The following SUMF1 variants were observed in gnomAD, a reference collection of about 807,000 sequenced individuals.
The protein encoded by SUMF1 is formylglycine-generating enzyme.
A neutral mutation model predicts 47.6 loss-of-function variants in SUMF1; 48 were observed. The ratio of observed to expected loss-of-function variants is 1.01; its 90% CI spans 0.80 to 1.28. SUMF1 has a LOEUF of 1.28. Ranked by LOEUF, SUMF1 falls within the 50% of genes most tolerant of loss-of-function variation. The probability of loss-of-function intolerance (pLI) is 0.00; values close to 1 mark genes in which losing one functional copy is unlikely to be tolerated. For synonymous variants in SUMF1, 230 were observed against 192.1 expected, an observed-to-expected ratio of 1.20 and a Z score of -1.63; for missense variants, 571 against 485.4, an observed-to-expected ratio of 1.18 and a Z score of -1.66.
chr3:4,066,997 C>G (rs763628908), intron 9 of SUMF1, among the ~76,000 whole-genome samples: 1 of 152,126 alleles, frequency 6.6e-6, no homozygotes, highest in Admixed American at 6.6e-5. Context: ...TATGAAGGGC[C>G]TGAATTCGTT....
intron 8 of SUMF1, among the ~76,000 whole-genome samples, chr3:4,273,754 T>TACGGGAGGGAGGAG (rs1697353448): frequency 2.5e-5 from 1 of 39,380 alleles, no homozygotes; most frequent in Non-Finnish European, 4.3e-5. Context: ...GGAGGGAGGA[T>TACGGGAGGGAGGAG]ACGGGAGGGG....
chr3:4,171,045 G>A (rs1252543574), intron 8 of SUMF1, among the ~76,000 whole-genome samples: 1 of 152,142 alleles, frequency 6.6e-6, no homozygotes, highest in Non-Finnish European at 1.5e-5. Context: ...ACTCTAACAC[G>A]AAGACTTCAA....
At chr3:4,198,577 C>T (rs1216013444) in intron 8 of SUMF1, among the ~76,000 whole-genome samples, 3 of 152,146 alleles carry the variant, frequency 2.0e-5, no homozygotes, top group Non-Finnish European at 4.4e-5. Context: ...AAACCCACAA[C>T]TGTAGCCTTC....
intron 1 of SUMF1, among the ~76,000 whole-genome samples, chr3:4,454,279 A>G (rs971787488): frequency 3.9e-5 from 6 of 152,210 alleles, no homozygotes; most frequent in Non-Finnish European, 7.3e-5. Context: ...CCCAACACTG[A>G]GCACAGGATC....
intron 8 of SUMF1, among the ~76,000 whole-genome samples, chr3:4,103,638 A>G (rs2125063649): frequency 6.6e-6 from 1 of 152,236 alleles, no homozygotes; most frequent in Admixed American, 6.5e-5. Context: ...CATGGAGAAT[A>G]ATTTTCACCC....
At chr3:4,091,283 T>C (rs957679565) in intron 8 of SUMF1, among the ~76,000 whole-genome samples, 1 of 152,112 alleles carries the variant, frequency 6.6e-6, no homozygotes, top group African/African-American at 2.4e-5. Context: ...CTGTGGTATC[T>C]TCCCAAAAGA....
At chr3:4,264,048 C>A (rs559054384) in intron 8 of SUMF1, among the ~76,000 whole-genome samples, 2 of 152,066 alleles carry the variant, frequency 1.3e-5, no homozygotes, top group Non-Finnish European at 2.9e-5. Flanking sequence ...TTTCCTTCTC[C>A]TAGTGACAAA....
At chr3:4,182,706 G>A (rs1010024854) in intron 8 of SUMF1, among the ~76,000 whole-genome samples, 6 of 152,090 alleles carry the variant, frequency 3.9e-5, no homozygotes, top group Non-Finnish European at 7.4e-5. Flanking sequence ...AGGACAATGG[G>A]AAGATCTTAT....
At chr3:4,218,163 C>T (rs1322801420) in intron 8 of SUMF1, among the ~76,000 whole-genome samples, 1 of 151,794 alleles carries the variant, frequency 6.6e-6, no homozygotes, top group Non-Finnish European at 1.5e-5. Flanking sequence ...TGGAAGAAGG[C>T]CATTTATAAG....
At chr3:4,173,451 C>T (rs1476580747) in intron 8 of SUMF1, among the ~76,000 whole-genome samples, 2 of 152,140 alleles carry the variant, frequency 1.3e-5, no homozygotes, top group African/African-American at 2.4e-5. Context: ...ATTAGTTCAA[C>T]CATTGTGGAA....
intron 8 of SUMF1, among the ~76,000 whole-genome samples, chr3:4,348,149 A>G (rs897213890): frequency 1.3e-5 from 2 of 152,232 alleles, no homozygotes; most frequent in Non-Finnish European, 2.9e-5. Context: ...ACTACTGTTG[A>G]CATTCTTCAC....
intron 8 of SUMF1, among the ~76,000 whole-genome samples, chr3:4,175,289 C>A (rs192716583): frequency 6.6e-6 from 1 of 152,126 alleles, no homozygotes; most frequent in African/African-American, 2.4e-5. Flanking sequence ...TTGGGGTCGA[C>A]AGTCACCTCA....
chr3:4,358,345 ATG>A (rs1251950192), downstream of SUMF1, among the ~76,000 whole-genome samples: 5 of 147,612 alleles, frequency 3.4e-5, no homozygotes, highest in African/African-American at 7.8e-5. Context: ...CCAACTCTAG[ATG>A]TAAGAGTTCC....
intron 8 of SUMF1, among the ~76,000 whole-genome samples, chr3:4,239,609 C>T (rs1358740767): frequency 2.6e-5 from 4 of 152,214 alleles, no homozygotes; most frequent in African/African-American, 7.2e-5. Flanking sequence ...GTGATTTCTG[C>T]ACATTGATTT....
chr3:4,416,326 G>A (rs936821584), intron 6 of SUMF1, among the ~76,000 whole-genome samples: 1 of 152,062 alleles, frequency 6.6e-6, no homozygotes, highest in African/African-American at 2.4e-5. Flanking sequence ...GAAATAACCT[G>A]TTTCCAGTAA....
chr3:4,274,207 C>G (rs1330946015), intron 8 of SUMF1, among the ~76,000 whole-genome samples: 1 of 152,174 alleles, frequency 6.6e-6, no homozygotes, highest in Non-Finnish European at 1.5e-5. Context: ...TTCCTCCCTT[C>G]TACACATATA....
chr3:4,094,695 C>T (rs1287408520), intron 8 of SUMF1, among the ~76,000 whole-genome samples: 3 of 152,056 alleles, frequency 2.0e-5, no homozygotes, highest in Non-Finnish European at 4.4e-5. Context: ...GGGTGCCAGC[C>T]TGTGCTCAAA....
chr3:4,250,993 G>A (rs757836449), intron 8 of SUMF1, among the ~76,000 whole-genome samples: 8 of 152,054 alleles, frequency 5.3e-5, no homozygotes, highest in Non-Finnish European at 8.8e-5. Context: ...TGACTTTCAA[G>A]TCCTTTTATT....
intron 8 of SUMF1, among the ~76,000 whole-genome samples, chr3:4,196,312 C>A (rs1353146844): frequency 6.6e-6 from 1 of 152,070 alleles, no homozygotes; most frequent in African/African-American, 2.4e-5. Context: ...AGGAGTCTAT[C>A]TCTAAACCAA....
Sources: allele counts gnomAD v4.1 joint callset (sites outside exome capture counted in the v4.1 genomes callset), GRCh38; gene constraint gnomAD v4.1.1; transcripts MANE v1.5; gene names NCBI Gene and HGNC (gene_info 2026-07-23, HGNC 2026-07-21).